The following ZNF804A variants were observed in gnomAD, a reference collection of about 807,000 sequenced individuals.
The protein encoded by ZNF804A is zinc finger protein 804A.
ZNF804A carries 2 observed loss-of-function variants against 16.5 expected under a neutral mutation model. The ratio of observed to expected loss-of-function variants is 0.12; its 90% CI spans 0.05 to 0.38. The LOEUF (loss-of-function observed/expected upper bound fraction) is 0.38. Among genes scored for constraint, ZNF804A ranks in the 10% least tolerant of loss-of-function variants. ZNF804A has a pLI of 0.99. For missense variants in ZNF804A, 1,473 were observed against 1,390.7 expected (o/e 1.06, Z -0.94); for synonymous variants, 534 against 489.6 (o/e 1.09, Z -1.20).
chr2:184,825,496 ATG>A (rs1006247843), intron 1 of ZNF804A, among the ~76,000 whole-genome samples: 4 of 151,772 alleles, frequency 2.6e-5, no homozygotes, highest in African/African-American at 4.8e-5. Flanking sequence ...ATGTGTGTGC[ATG>A]TGTGTGTGTG....
chr2:184,600,649 T>C (rs1691030222), intron 1 of ZNF804A, among the ~76,000 whole-genome samples: 1 of 152,202 alleles, frequency 6.6e-6, no homozygotes, highest in South Asian at 2.1e-4. Context: ...AGATTTCATT[T>C]CCATATTTAC....
chr2:184,913,184 G>T (rs1318229424), intron 2 of ZNF804A, among the ~76,000 whole-genome samples: 5 of 152,014 alleles, frequency 3.3e-5, no homozygotes, highest in African/African-American at 1.2e-4. Flanking sequence ...CTTTGATATA[G>T]CTTTAGACCT....
chr2:184,784,386 T>C (rs913139094), intron 1 of ZNF804A, among the ~76,000 whole-genome samples: 4 of 152,038 alleles, frequency 2.6e-5, no homozygotes, highest in African/African-American at 9.7e-5. Flanking sequence ...TACATATTAC[T>C]ATATTAATAA....
chr2:184,935,090 G>A (rs961424852), intron 3 of ZNF804A, among the ~76,000 whole-genome samples: 2 of 152,098 alleles, frequency 1.3e-5, no homozygotes, highest in African/African-American at 2.4e-5. Context: ...CTTTTCATCA[G>A]AACTCACTAC....
intron 1 of ZNF804A, among the ~76,000 whole-genome samples, chr2:184,720,377 C>A (rs1693290984): frequency 6.6e-6 from 1 of 152,096 alleles, no homozygotes; most frequent in Admixed American, 6.6e-5. Flanking sequence ...TTCATAAAAA[C>A]ACTTTTAGAT....
At chr2:184,666,638 A>G (rs1046268120) in intron 1 of ZNF804A, among the ~76,000 whole-genome samples, 1 of 152,050 alleles carries the variant, frequency 6.6e-6, no homozygotes, top group Non-Finnish European at 1.5e-5. Context: ...GAAATTCTGA[A>G]TTTCCAAATT....
chr2:184,604,685 C>A (rs190500357), intron 1 of ZNF804A, among the ~76,000 whole-genome samples: 3 of 152,286 alleles, frequency 2.0e-5, no homozygotes, highest in Non-Finnish European at 4.4e-5. Context: ...GTAGGCTATT[C>A]ATTTACTTAG....
At chr2:184,720,744 A>ATTT (rs1366943971) in intron 1 of ZNF804A, among the ~76,000 whole-genome samples, 2 of 152,176 alleles carry the variant, frequency 1.3e-5, no homozygotes, top group African/African-American at 4.8e-5. Flanking sequence ...TTTCACAGAG[A>ATTT]TAGAACAAAA....
At chr2:184,708,036 T>C (rs1271369817) in intron 1 of ZNF804A, among the ~76,000 whole-genome samples, 1 of 152,074 alleles carries the variant, frequency 6.6e-6, no homozygotes, top group African/African-American at 2.4e-5. Context: ...CTCTAATAAT[T>C]AGTGATTTTG....
intron 1 of ZNF804A, among the ~76,000 whole-genome samples, chr2:184,782,373 C>T (rs1038144428): frequency 6.6e-6 from 1 of 151,248 alleles, no homozygotes; most frequent in African/African-American, 2.4e-5. Flanking sequence ...GCAGACCCAC[C>T]CTTAATCTGG....
chr2:184,809,588 A>G lies in ZNF804A; in HGVS notation c.112-56781A>G, dbSNP rs545648718. ...ATCTAGTTCTTTTTGATATGTCAAT[A>G]TTTTACTTATAAATATTATTCTAGA... On this transcript the variant is annotated intron_variant, in intron 1 of 3. Coordinates refer to ENST00000302277, the MANE Select transcript of ZNF804A (RefSeq NM_194250.2). Among the ~76,000 whole-genome samples, 18 of 152,000 alleles carry G rather than the reference A, an allele frequency of 1.2e-4. No individual in the cohort carries two copies. In the South Asian group the frequency reaches 3.7e-3, roughly 31 times the overall value.
intron 1 of ZNF804A, among the ~76,000 whole-genome samples, chr2:184,625,950 G>GC (rs1274054116): frequency 6.6e-6 from 1 of 152,066 alleles, no homozygotes; most frequent in East Asian, 1.9e-4. Flanking sequence ...CTCAGTGCAA[G>GC]CTCTGCCTCC....
At chr2:184,655,610 T>C (rs563036218) in intron 1 of ZNF804A, among the ~76,000 whole-genome samples, 3 of 152,296 alleles carry the variant, frequency 2.0e-5, no homozygotes, top group Admixed American at 6.5e-5. Context: ...TTATTCAATA[T>C]AATTTGTAGA....
At chr2:184,889,162 TTTTAC>T (rs759716152) in intron 2 of ZNF804A, among the ~76,000 whole-genome samples, 5 of 152,126 alleles carry the variant, frequency 3.3e-5, no homozygotes, top group Admixed American at 2.6e-4. Flanking sequence ...TTTTTTTTCT[TTTTAC>T]TTAAACATTT....
chr2:184,676,753 A>G (rs1179406865), intron 1 of ZNF804A, among the ~76,000 whole-genome samples: 6 of 151,804 alleles, frequency 4.0e-5, no homozygotes, highest in African/African-American at 1.4e-4. Flanking sequence ...ACAATGCTCT[A>G]GGAGATCAAT....
intron 2 of ZNF804A, among the ~76,000 whole-genome samples, chr2:184,918,253 T>C (rs1574270316): frequency 6.6e-6 from 1 of 152,178 alleles, no homozygotes; most frequent in East Asian, 1.9e-4. Context: ...CCAAAGTGGA[T>C]AGCTGTAGCT....
At chr2:184,671,980 A>C (rs1692345284) in intron 1 of ZNF804A, among the ~76,000 whole-genome samples, 1 of 152,176 alleles carries the variant, frequency 6.6e-6, no homozygotes. Context: ...TGTTATATGG[A>C]CTGATGTCTT....
chr2:184,705,867 A>G (rs1048515402), intron 1 of ZNF804A, among the ~76,000 whole-genome samples: 1 of 152,156 alleles, frequency 6.6e-6, no homozygotes, highest in African/African-American at 2.4e-5. Context: ...TTATTGAACA[A>G]CAGATTGACA....
At chr2:184,621,690 G>A (rs1188497922) in intron 1 of ZNF804A, among the ~76,000 whole-genome samples, 2 of 151,678 alleles carry the variant, frequency 1.3e-5, no homozygotes, top group Non-Finnish European at 3.0e-5. Context: ...AAAAAAGTGT[G>A]TAGTATAATT....
Sources: gnomAD v4.1 joint callset for allele counts (sites outside exome capture counted in the v4.1 genomes callset) on GRCh38, gnomAD v4.1.1 for gene constraint, MANE v1.5 for transcripts, NCBI Gene and HGNC (gene_info 2026-07-23, HGNC 2026-07-21) for gene names.